Variants in NUTF2 observed in about 807,000 individuals in gnomAD.
NUTF2 encodes nuclear transport factor 2.
A neutral mutation model predicts 18.5 loss-of-function variants in NUTF2; 3 were observed. That is an observed-to-expected ratio of 0.16 (90% CI 0.07 to 0.42). The LOEUF (loss-of-function observed/expected upper bound fraction) is 0.42, where lower values mean the gene tolerates loss of function less well. NUTF2 is among the 10% of genes least tolerant of loss of function. The probability of loss-of-function intolerance (pLI) is 0.99; values close to 1 mark genes in which losing one functional copy is unlikely to be tolerated. For missense variants in NUTF2, 44 were observed against 160.7 expected, an observed-to-expected ratio of 0.27 and a Z score of 3.93; for synonymous variants, 51 against 57.9, an observed-to-expected ratio of 0.88 and a Z score of 0.54.
chr16:67,866,986 T>G (rs2057977579), intron 2 of NUTF2, among the ~76,000 whole-genome samples: 1 of 152,040 alleles, frequency 6.6e-6, no homozygotes, highest in Non-Finnish European at 1.5e-5. Context: ...CTTTTTTTTT[T>G]TTTGAGATGG....
intron 1 of NUTF2, among the ~76,000 whole-genome samples, chr16:67,861,058 C>G (rs548269430): frequency 1.7e-4 from 26 of 152,300 alleles, no homozygotes; most frequent in Admixed American, 5.2e-4. Context: ...GAGGAGTGCT[C>G]TCACTGATGT....
chr16:67,871,560 TTC>T lies in NUTF2; in HGVS notation c.*652_*653del, dbSNP rs2058013618. ...GAAGAGCTCAGGTCTGGCCTGAAGC[TTC>T]TCTCACTGAAGCCTGTGCAGTCAGT... is the stretch of plus-strand genomic sequence containing the variant. On this transcript the variant is annotated 3_prime_UTR_variant, in exon 5 of 5. Coordinates refer to ENST00000219169, the MANE Select transcript of NUTF2 (RefSeq NM_005796.3). 1 of 152,386 alleles carries T rather than the reference TTC, an allele frequency of 6.6e-6. No homozygotes were observed. The highest frequency in any genetic ancestry group is 2.1e-4 in the South Asian group (1 of 4,840). The allele number at this position is 152,386 out of a possible 1,614,324, so 9.4% of individuals were successfully genotyped here.
intron 2 of NUTF2, among the ~76,000 whole-genome samples, chr16:67,866,892 G>A (rs1033139070): frequency 1.4e-4 from 22 of 152,064 alleles, no homozygotes; most frequent in Admixed American, 9.8e-4. Flanking sequence ...ACAGGTGTGA[G>A]TTACCATGCC....
chr16:67,858,153 A>AT (rs2057910114), intron 1 of NUTF2, among the ~76,000 whole-genome samples: 1 of 152,190 alleles, frequency 6.6e-6, no homozygotes, highest in Admixed American at 6.5e-5. Flanking sequence ...ATGGGTAATC[A>AT]GACAGCTACT....
At chr16:67,861,163 C>T (rs2057932874) in intron 1 of NUTF2, among the ~76,000 whole-genome samples, 1 of 152,230 alleles carries the variant, frequency 6.6e-6, no homozygotes, top group Non-Finnish European at 1.5e-5. Flanking sequence ...CACCTATCAG[C>T]TGCTGACCTA....
intron 4 of NUTF2, 40 bp downstream of exon 4, chr16:67,868,639 C>G (rs375689764): frequency 2.4e-5 from 38 of 1,573,088 alleles, no homozygotes; most frequent in Non-Finnish European, 3.1e-5. Context: ...GGTGGGCAGG[C>G]AGAGGAGAGT....
At chr16:67,864,382 G>A (rs765033149) in intron 1 of NUTF2, among the ~76,000 whole-genome samples, 19 of 151,960 alleles carry the variant, frequency 1.3e-4, no homozygotes, top group African/African-American at 1.9e-4. Context: ...GTTGGCAGGC[G>A]CCTGTAATCC....
At chr16:67,853,530 GT>G (rs2057875112) in intron 1 of NUTF2, among the ~76,000 whole-genome samples, 1 of 151,974 alleles carries the variant, frequency 6.6e-6, no homozygotes, top group South Asian at 2.1e-4. Context: ...GCTAATTTTT[GT>G]ATTTTTAGTA....
intron 1 of NUTF2, among the ~76,000 whole-genome samples, chr16:67,854,776 G>A (rs1320896308): frequency 4.6e-5 from 7 of 152,064 alleles, no homozygotes; most frequent in South Asian, 2.1e-4. Context: ...GCAAAACCCC[G>A]TCTCTACCAA....
chr16:67,850,234 G>C (rs926141569), intron 1 of NUTF2, among the ~76,000 whole-genome samples: 7 of 145,466 alleles, frequency 4.8e-5, no homozygotes, highest in Non-Finnish European at 9.0e-5. Context: ...AGATGGAGTC[G>C]TACTCTGTCT....
chr16:67,855,963 TC>T lies in NUTF2; in HGVS notation c.-30+8979del, dbSNP rs1026690755. On this transcript the variant is annotated intron_variant, in intron 1 of 4. Transcript: ENST00000219169. ...TGGGCAGATGTCCAGCCTCAGAACTTCTGGAACTGCTTCTTGGTGCCAGCGG... is the reference window on the plus strand; with the variant it reads ...TGGGCAGATGTCCAGCCTCAGAACTTTGGAACTGCTTCTTGGTGCCAGCGG... The T allele has an allele frequency of 1.0e-5, 12 of 1,188,488 alleles. No homozygotes were observed. The African/African-American group carries it at 1.7e-4, about 17-fold the overall frequency. 73.6% of individuals were successfully genotyped at this position (1,188,488 alleles called of 1,614,324 possible).
intron 1 of NUTF2, among the ~76,000 whole-genome samples, chr16:67,859,965 G>T (rs2057924409): frequency 6.6e-6 from 1 of 151,242 alleles, no homozygotes; most frequent in African/African-American, 2.4e-5. Context: ...ACCATGGCCA[G>T]ATATTTTATT....
chr16:67,851,072 A>AT (rs1429211181), intron 1 of NUTF2, among the ~76,000 whole-genome samples: 1 of 151,904 alleles, frequency 6.6e-6, no homozygotes, highest in African/African-American at 2.4e-5. Flanking sequence ...AAGTGCTAGG[A>AT]TTACAGGTGT....
intron 1 of NUTF2, among the ~76,000 whole-genome samples, chr16:67,850,875 A>G (rs1429224812): frequency 6.6e-6 from 1 of 151,868 alleles, no homozygotes; most frequent in Non-Finnish European, 1.5e-5. Flanking sequence ...ATCTCAGCTC[A>G]CTGCAACCTC....
intron 2 of NUTF2, among the ~76,000 whole-genome samples, chr16:67,867,591 GA>G (rs2057982021): frequency 6.6e-6 from 1 of 152,140 alleles, no homozygotes; most frequent in South Asian, 2.1e-4. Context: ...ATCTCTCCCT[GA>G]CCCCATGGGT....
chr16:67,855,586 T>G (rs909036077), intron 1 of NUTF2, among the ~76,000 whole-genome samples: 1 of 152,050 alleles, frequency 6.6e-6, no homozygotes. Flanking sequence ...CTGGGGGAAT[T>G]TTGGAATGTT....
chr16:67,871,060 T>C lies in NUTF2; in HGVS notation c.*147T>C, dbSNP rs1323388358. The C allele has an allele frequency of 3.3e-6, 2 of 609,656 alleles. No individual in the cohort carries two copies. Among genetic ancestry groups the C allele is most frequent in the Non-Finnish European group, 5.9e-6 (2 of 339,010 alleles). 37.8% of individuals were successfully genotyped at this position (609,656 alleles called of 1,614,324 possible). On this transcript the variant is annotated 3_prime_UTR_variant, in exon 5 of 5. Transcript: ENST00000219169. ...CAGTGCGCTGCTGCCACTGAGGTGT[T>C]GTGCATGATGTTTGGATGCTAGACT...
chr16:67,847,698 C>G (rs1325459745), intron 1 of NUTF2: 1 of 152,412 alleles, frequency 6.6e-6, no homozygotes, highest in African/African-American at 2.4e-5. Flanking sequence ...GGATCTGGGC[C>G]TGATGGGGTG....
At chr16:67,856,387 T>C (rs910475882) in intron 1 of NUTF2, among the ~76,000 whole-genome samples, 2 of 152,106 alleles carry the variant, frequency 1.3e-5, no homozygotes, top group Middle Eastern at 3.2e-3. Context: ...AGACAGGGTT[T>C]CACCATCTTG....
Sources: allele counts gnomAD v4.1 joint callset (sites outside exome capture counted in the v4.1 genomes callset), GRCh38; gene constraint gnomAD v4.1.1; transcripts MANE v1.5; gene names NCBI Gene and HGNC (gene_info 2026-07-23, HGNC 2026-07-21).